CPSF3: variants seen among roughly 807,000 people sequenced by gnomAD.
The protein encoded by CPSF3 is cleavage and polyadenylation specificity factor subunit 3.
In CPSF3, 57 loss-of-function variants were observed where a neutral mutation model predicts 84.1. That is an observed-to-expected ratio of 0.68 (90% CI 0.55 to 0.85). CPSF3 has a LOEUF of 0.85. CPSF3 is among the 40% of genes least tolerant of loss of function. CPSF3 has a pLI of 0.00. For missense variants in CPSF3, 522 were observed against 838.8 expected, an observed-to-expected ratio of 0.62 and a Z score of 4.66; for synonymous variants, 275 against 278.1, an observed-to-expected ratio of 0.99 and a Z score of 0.11.
At chr2:9,444,313 A>G (rs1289112084) in intron 10 of CPSF3, among the ~76,000 whole-genome samples, 2 of 151,562 alleles carry the variant, frequency 1.3e-5, no homozygotes, top group African/African-American at 4.8e-5. Flanking sequence ...TTTTTAGTAG[A>G]GATGGGGTTT....
At chr2:9,472,743 T>G (rs1682220159) in intron 17 of CPSF3, among the ~76,000 whole-genome samples, 173 bp from the exon 18 acceptor site, 1 of 152,118 alleles carries the variant, frequency 6.6e-6, no homozygotes, top group Admixed American at 6.5e-5. Context: ...AGCCTCAACC[T>G]TCCCGGCTCA....
chr2:9,454,845 G>A (rs1004748969), intron 12 of CPSF3, among the ~76,000 whole-genome samples: 10 of 151,638 alleles, frequency 6.6e-5, no homozygotes, highest in Admixed American at 5.3e-4. Flanking sequence ...CGCCGGGCCC[G>A]AGCTCTTACT....
intron 15 of CPSF3, among the ~76,000 whole-genome samples, chr2:9,466,851 A>G (rs1188881393): frequency 6.6e-6 from 1 of 152,174 alleles, no homozygotes; most frequent in African/African-American, 2.4e-5. Flanking sequence ...CTTCCTTTTT[A>G]TGGCCAAATA....
Position 9,455,544 on chromosome 2 carries a change from T to A in CPSF3, c.1505-115T>A, listed in dbSNP as rs982266914. ...GGTACCAAATTAAGGAGCATCTTGT[T>A]AGCTTTCTGAAAAACATGTTCACAT... is the stretch of plus-strand genomic sequence containing the variant. On this transcript the variant is annotated intron_variant, in intron 12 of 17. Coordinates refer to ENST00000238112, the MANE Select transcript of CPSF3 (RefSeq NM_016207.4). The A allele has an allele frequency of 1.1e-5, 8 of 713,198 alleles. 1 individual carries two copies. The highest frequency in any genetic ancestry group is 4.9e-4 in the Middle Eastern group (2 of 4,098). The allele number at this position is 713,198 out of a possible 1,614,324, so 44.2% of individuals were successfully genotyped here. A position where few individuals can be genotyped will look rare whatever the true frequency, so the allele number is the denominator to read the frequency against.
chr2:9,443,845 C>T (rs76539884), intron 10 of CPSF3, among the ~76,000 whole-genome samples, 184 bp downstream of exon 10: 1 of 152,124 alleles, frequency 6.6e-6, no homozygotes, highest in African/African-American at 2.4e-5. Flanking sequence ...CAAGCTGCCC[C>T]CTTTCTCCAG....
chr2:9,425,687 G>A (rs1680365604), intron 1 of CPSF3, among the ~76,000 whole-genome samples: 1 of 151,718 alleles, frequency 6.6e-6, no homozygotes, highest in South Asian at 2.1e-4. Flanking sequence ...TAAGAGATGG[G>A]GCAACTCTGG....
intron 3 of CPSF3, among the ~76,000 whole-genome samples, chr2:9,430,222 G>A (rs958717266): frequency 2.0e-5 from 3 of 152,180 alleles, no homozygotes; most frequent in Non-Finnish European, 4.4e-5. Context: ...CTACCTCTAT[G>A]TATAAGTTCA....
chr2:9,441,014 C>G (rs946669408), intron 8 of CPSF3, among the ~76,000 whole-genome samples: 2 of 152,186 alleles, frequency 1.3e-5, no homozygotes, highest in Admixed American at 6.5e-5. Flanking sequence ...GCCACTTGCC[C>G]CAAGTAGCCA....
chr2:9,440,712 G>C, intron 8 of CPSF3, 46 bp downstream of exon 8: 1 of 1,591,838 alleles, frequency 6.3e-7, no homozygotes, highest in Non-Finnish European at 8.6e-7. Flanking sequence ...AACCAAATCA[G>C]TCATTAGTAG....
chr2:9,438,339 A>T (rs1267797917), intron 7 of CPSF3, among the ~76,000 whole-genome samples: 2 of 152,036 alleles, frequency 1.3e-5, no homozygotes, highest in African/African-American at 4.8e-5. Context: ...AACCTGTAAG[A>T]TGAAGAACAG....
chr2:9,443,390 A>G (rs976767393), intron 9 of CPSF3, 125 bp from the exon 10 acceptor site: 11 of 851,052 alleles, frequency 1.3e-5, no homozygotes, highest in Admixed American at 5.3e-5. Context: ...CAGTTATATT[A>G]GAATGATTTT....
chr2:9,466,418 A>ACACGCGCACACACGCG, intron 15 of CPSF3, among the ~76,000 whole-genome samples: 1 of 142,914 alleles, frequency 7.0e-6, no homozygotes, highest in East Asian at 2.0e-4. Flanking sequence ...GCACACACGC[A>ACACGCGCACACACGCG]CACGCGCACA....
chr2:9,467,715 C>T lies in CPSF3; in HGVS notation c.1795C>T (p.Gln599Ter), dbSNP rs1682023727. 2 of 1,583,778 alleles carry T rather than the reference C, an allele frequency of 1.3e-6. No homozygotes were observed. Among genetic ancestry groups the T allele is most frequent in the Admixed American group, 1.7e-5 (1 of 59,330 alleles). ...SNPKIRKGAV[Q>*]KVSKKLEMHV... ...GCTTTTTTTTTTCCCAGGTGCAGTA[C>T]AGAAGGTTTCTAAAAAATTAGAAAT... Residue 599 changes from glutamine to a stop codon, truncating the protein, a stop_gained, in exon 16 of 18, where the codon CAG becomes TAG. Transcript: ENST00000238112. LOFTEE classifies it high-confidence loss of function.
intron 11 of CPSF3, 28 bp downstream of exon 11, chr2:9,448,378 A>G (rs201969706): frequency 2.6e-5 from 40 of 1,566,866 alleles, no homozygotes; most frequent in Non-Finnish European, 3.1e-5. Context: ...CTGTCTGTCC[A>G]ATCCATGTTT....
At chr2:9,446,560 G>A (rs1421266942) in intron 10 of CPSF3, among the ~76,000 whole-genome samples, 8 of 139,780 alleles carry the variant, frequency 5.7e-5, no homozygotes, top group Non-Finnish European at 9.1e-5. Context: ...TAGCCTGGGC[G>A]ACGGAGCGAG....
intron 12 of CPSF3, among the ~76,000 whole-genome samples, chr2:9,454,653 T>C (rs1681460707): frequency 6.7e-6 from 1 of 149,346 alleles, no homozygotes; most frequent in Non-Finnish European, 1.5e-5. Flanking sequence ...CATGCCATTC[T>C]CCTGCCTCAG....
intron 10 of CPSF3, among the ~76,000 whole-genome samples, chr2:9,444,795 A>T (rs1038571787): frequency 6.6e-6 from 1 of 151,924 alleles, no homozygotes; most frequent in Admixed American, 6.6e-5. Flanking sequence ...CCTTCCGGGT[A>T]GCTGGGATTA....
chr2:9,465,950 C>T (rs982320086), intron 15 of CPSF3, among the ~76,000 whole-genome samples: 1 of 152,166 alleles, frequency 6.6e-6, no homozygotes, highest in African/African-American at 2.4e-5. Context: ...ACATAATTCA[C>T]ATACCATACA....
intron 15 of CPSF3, among the ~76,000 whole-genome samples, chr2:9,462,918 C>T (rs564730927): frequency 6.6e-6 from 1 of 152,260 alleles, no homozygotes; most frequent in African/African-American, 2.4e-5. Flanking sequence ...TTTCTTAGTT[C>T]TTCCCCATTT....
Sources: allele counts gnomAD v4.1 joint callset (sites outside exome capture counted in the v4.1 genomes callset), GRCh38; gene constraint gnomAD v4.1.1; transcripts MANE v1.5; gene names NCBI Gene and HGNC (gene_info 2026-07-23, HGNC 2026-07-21).